The following KLHDC4 variants were observed in gnomAD, a reference collection of about 807,000 sequenced individuals.
KLHDC4 encodes kelch domain-containing protein 4.
In KLHDC4, 90 loss-of-function variants were observed where a neutral mutation model predicts 62.4. The ratio of observed to expected loss-of-function variants is 1.44; its 90% CI spans 1.22 to 1.72. The LOEUF (loss-of-function observed/expected upper bound fraction) is 1.72, where lower values mean the gene tolerates loss of function less well. Among genes scored for constraint, KLHDC4 ranks in the 40% most tolerant of loss-of-function variants. The pLI is 0.00. For synonymous variants in KLHDC4, 386 were observed against 284.4 expected (o/e 1.36, Z -3.59); for missense variants, 1,025 against 699.7 (o/e 1.47, Z -5.25).
intron 6 of KLHDC4, among the ~76,000 whole-genome samples, chr16:87,728,708 C>G (rs537098097): frequency 6.6e-6 from 1 of 151,988 alleles, no homozygotes; most frequent in South Asian, 2.1e-4. Context: ...AGGCTAGGCG[C>G]GGGGGCTCAA....
intron 4 of KLHDC4, among the ~76,000 whole-genome samples, chr16:87,754,256 G>A (rs769194164): frequency 2.6e-5 from 4 of 152,106 alleles, no homozygotes; most frequent in Non-Finnish European, 4.4e-5. Flanking sequence ...TGGGGCAGGA[G>A]AATCACTTCA....
chr16:87,764,450 G>C (rs1254857549), intron 1 of KLHDC4, among the ~76,000 whole-genome samples: 2 of 151,942 alleles, frequency 1.3e-5, no homozygotes, highest in East Asian at 1.9e-4. Context: ...AGGAGTCCCA[G>C]ACCAGCCTGA....
Position 87,718,557 on chromosome 16 carries a change from C to T in KLHDC4, c.760-3984G>A, listed in dbSNP as rs7202300. 4.9e-3 allele frequency among the ~76,000 whole-genome samples: 746 copies of T among 151,856 alleles called. 4 individuals carry two copies. Among genetic ancestry groups the T allele is most frequent in the African/African-American group, 0.018 (729 of 41,354 alleles). On this transcript the variant is annotated intron_variant, in intron 7 of 11. Transcript: ENST00000270583. ...ACTGGTTTTTGCTGGAGTGCAGTGG[C>T]GTGATCTCGGCTCGCTACAACCCCC...
At chr16:87,713,503 C>T (rs1177760623) in intron 8 of KLHDC4, among the ~76,000 whole-genome samples, 1 of 152,174 alleles carries the variant, frequency 6.6e-6, no homozygotes, top group Non-Finnish European at 1.5e-5. Context: ...CAGCCAGTAA[C>T]AAATGCAATT....
At chr16:87,751,149 T>G (rs1010945789) in intron 4 of KLHDC4, among the ~76,000 whole-genome samples, 3 of 152,156 alleles carry the variant, frequency 2.0e-5, no homozygotes, top group Admixed American at 6.5e-5. Context: ...AACACATACA[T>G]GCACGCTCCA....
At chr16:87,761,838 T>G (rs1043805250) in intron 2 of KLHDC4, 111 bp downstream of exon 2, 21 of 1,033,806 alleles carry the variant, frequency 2.0e-5, no homozygotes, top group Non-Finnish European at 2.8e-5. Context: ...GTTTTAATAA[T>G]GAAAATGTCC....
intron 7 of KLHDC4, among the ~76,000 whole-genome samples, chr16:87,719,297 G>A (rs374963720): frequency 2.0e-5 from 3 of 152,250 alleles, no homozygotes; most frequent in Admixed American, 6.5e-5. Context: ...AGGTAGACAT[G>A]GGAGACTCCA....
At chr16:87,746,408 TGAGAGA>T (rs1389994541) in intron 5 of KLHDC4, among the ~76,000 whole-genome samples, 3 of 140,952 alleles carry the variant, frequency 2.1e-5, no homozygotes, top group Admixed American at 2.1e-4. Context: ...AGAAAGAGAG[TGAGAGA>T]AAGATTAAGC....
At position 87,711,304 on chromosome 16, in the gene KLHDC4, C is replaced by T. The variant is rs1257374381; in HGVS notation, c.975G>A (p.Ser325=). 11 of 1,613,982 alleles carry T rather than the reference C, an allele frequency of 6.8e-6. No individual in the cohort carries two copies. Among genetic ancestry groups the T allele is most frequent in the East Asian group, 4.5e-5 (2 of 44,888 alleles). Residue 325 remains serine, a synonymous_variant, in exon 9 of 12, where the codon TCG becomes TCA. Transcript: ENST00000270583. ...AGTACAGATCGTTGAAGAACTCGCC[C>T]GACAGGCTCTCCTCCTCTTCCTCGT... The part of the protein sequence containing the change: ...VCDEEEEESL[S]GEFFNDLYFY...
Position 87,721,085 on chromosome 16 carries a change from T to C in KLHDC4, c.759+5680A>G, listed in dbSNP as rs541327119. 4.3e-4 allele frequency among the ~76,000 whole-genome samples: 66 copies of C among 152,314 alleles called. 1 individual carries two copies. Among genetic ancestry groups the C allele is most frequent in the East Asian group, 2.1e-3 (11 of 5,176 alleles). On this transcript the variant is annotated intron_variant, in intron 7 of 11. Coordinates refer to ENST00000270583, the MANE Select transcript of KLHDC4 (RefSeq NM_017566.4). The stretch of plus-strand genomic sequence containing the variant: ...CCCCCACAGCCAAGACTTCTACCTG[T>C]CGCTTTCCAAGACTGAACATTTTCA...
chr16:87,724,352 A>G (rs908483484), intron 7 of KLHDC4, among the ~76,000 whole-genome samples: 31 of 152,224 alleles, frequency 2.0e-4, no homozygotes, highest in Non-Finnish European at 1.5e-4. Flanking sequence ...AATAATCACA[A>G]AAGAAAAACG....
At chr16:87,755,058 G>C in intron 4 of KLHDC4, 136 bp downstream of exon 4, 1 of 573,420 alleles carries the variant, frequency 1.7e-6, no homozygotes, top group Non-Finnish European at 3.2e-6. Context: ...ATCCAAGTGA[G>C]CAAACAGCAG....
At chr16:87,725,212 G>A (rs1253784442) in intron 7 of KLHDC4, among the ~76,000 whole-genome samples, 1 of 152,192 alleles carries the variant, frequency 6.6e-6, no homozygotes, top group Non-Finnish European at 1.5e-5. Context: ...GAAGGGCACG[G>A]CAGGATCAGG....
chr16:87,754,225 A>G (rs997052628), intron 4 of KLHDC4, among the ~76,000 whole-genome samples: 1 of 152,122 alleles, frequency 6.6e-6, no homozygotes, highest in Non-Finnish European at 1.5e-5. Flanking sequence ...GGGTGCCTGT[A>G]ATCCCAGTTA....
chr16:87,739,822 A>T (rs1190177799), intron 5 of KLHDC4: 1 of 152,314 alleles, frequency 6.6e-6, no homozygotes, highest in Non-Finnish European at 1.5e-5. Context: ...CACAGACAGC[A>T]GGGACCGGGG....
At chr16:87,742,259 G>T (rs1257533539) in intron 5 of KLHDC4, among the ~76,000 whole-genome samples, 1 of 152,072 alleles carries the variant, frequency 6.6e-6, no homozygotes, top group Non-Finnish European at 1.5e-5. Context: ...GCACCCTTCA[G>T]TCCCCTGTAC....
chr16:87,717,916 T>C (rs924353178), intron 7 of KLHDC4, among the ~76,000 whole-genome samples: 1 of 152,232 alleles, frequency 6.6e-6, no homozygotes, highest in Non-Finnish European at 1.5e-5. Flanking sequence ...GGGAATGTTT[T>C]ATGCTACAAT....
At chr16:87,752,567 C>T (rs138973793) in intron 4 of KLHDC4, among the ~76,000 whole-genome samples, 1 of 152,114 alleles carries the variant, frequency 6.6e-6, no homozygotes, top group African/African-American at 2.4e-5. Flanking sequence ...GATCTCCTGA[C>T]CTTGTGATTC....
At chr16:87,724,443 G>C (rs1206262117) in intron 7 of KLHDC4, among the ~76,000 whole-genome samples, 1 of 152,168 alleles carries the variant, frequency 6.6e-6, no homozygotes, top group East Asian at 1.9e-4. Flanking sequence ...CCACTACTGG[G>C]AGGGTATTTG....
Sources: gnomAD v4.1 joint callset for allele counts (sites outside exome capture counted in the v4.1 genomes callset) on GRCh38, gnomAD v4.1.1 for gene constraint, MANE v1.5 for transcripts, NCBI Gene and HGNC (gene_info 2026-07-23, HGNC 2026-07-21) for gene names.